Variants in ATP9B observed in about 807,000 individuals in gnomAD.
ATP9B encodes the protein ATPase phospholipid transporting 9B.
A neutral mutation model predicts 146.1 loss-of-function variants in ATP9B; 110 were observed. That is an observed-to-expected ratio of 0.75 (90% CI 0.65 to 0.88). The LOEUF (loss-of-function observed/expected upper bound fraction) is 0.88, where lower values mean the gene tolerates loss of function less well. ATP9B is among the 40% of genes least tolerant of loss of function. The pLI is 0.00. For synonymous variants in ATP9B, 604 were observed against 569.7 expected (o/e 1.06, Z -0.86); for missense variants, 1,499 against 1,496.4 (o/e 1.00, Z -0.03).
intron 25 of ATP9B, among the ~76,000 whole-genome samples, chr18:79,354,807 A>G (rs1045934963): frequency 1.4e-4 from 22 of 152,306 alleles, no homozygotes; most frequent in Middle Eastern, 3.4e-3. Flanking sequence ...GGAAACGCCC[A>G]TGGGTGCAGA....
intron 6 of ATP9B, among the ~76,000 whole-genome samples, chr18:79,148,332 G>GA (rs1222544208): frequency 6.6e-6 from 1 of 152,152 alleles, no homozygotes; most frequent in East Asian, 1.9e-4. Context: ...CTCAGTACCA[G>GA]AAAAAAGTAC....
At chr18:79,112,420 C>T (rs988875665) in intron 3 of ATP9B, among the ~76,000 whole-genome samples, 14 of 152,140 alleles carry the variant, frequency 9.2e-5, no homozygotes, top group African/African-American at 3.4e-4. Flanking sequence ...CTTGGGTTTT[C>T]TTCTCTAAAG....
chr18:79,087,100 G>A (rs1435327780), intron 1 of ATP9B, among the ~76,000 whole-genome samples: 1 of 152,232 alleles, frequency 6.6e-6, no homozygotes, highest in Non-Finnish European at 1.5e-5. Flanking sequence ...GGCCTTCTTG[G>A]TGTGTCCTCA....
chr18:79,188,546 A>G (rs539281549), intron 8 of ATP9B, among the ~76,000 whole-genome samples: 9 of 152,308 alleles, frequency 5.9e-5, no homozygotes, highest in Admixed American at 5.9e-4. Context: ...CTTACCTTAC[A>G]TGGAAAAAGC....
intron 4 of ATP9B, chr18:79,117,740 G>C (rs187817592): frequency 6.6e-6 from 1 of 152,186 alleles, no homozygotes; most frequent in Non-Finnish European, 1.5e-5. Context: ...ACAGAATTTT[G>C]AAAGTTGTTG....
At chr18:79,224,160 T>C (rs2095707186) in intron 11 of ATP9B, among the ~76,000 whole-genome samples, 1 of 152,252 alleles carries the variant, frequency 6.6e-6, no homozygotes, top group Admixed American at 6.5e-5. Flanking sequence ...CAGAGAAGTG[T>C]AATTTATTCA....
intron 11 of ATP9B, among the ~76,000 whole-genome samples, chr18:79,238,493 G>T (rs996358876): frequency 2.0e-5 from 3 of 152,168 alleles, no homozygotes; most frequent in African/African-American, 7.2e-5. Flanking sequence ...TGAGGACCAG[G>T]TTGCTTCTCC....
chr18:79,161,523 T>C (rs2094880104), intron 7 of ATP9B, among the ~76,000 whole-genome samples: 3 of 152,174 alleles, frequency 2.0e-5, no homozygotes, highest in Non-Finnish European at 4.4e-5. Context: ...CAAATTTAAA[T>C]TGTTAAAATA....
rs958561358 is a variant in ATP9B, at chr18:79,177,915, T to C, written c.873+1008T>C. On this transcript the variant is annotated intron_variant, in intron 8 of 29. Coordinates refer to ENST00000426216, the MANE Select transcript of ATP9B (RefSeq NM_198531.5). Reference sequence around the variant, plus strand: ...GTTCTATGATTGTTTACTTAAATTATCTAGGATACTATGCATAATTTATAT... The same window carrying C: ...GTTCTATGATTGTTTACTTAAATTACCTAGGATACTATGCATAATTTATAT... Among the ~76,000 whole-genome samples, 35 of 152,202 alleles carry C rather than the reference T, an allele frequency of 2.3e-4. 1 individual carries two copies. The highest frequency in any genetic ancestry group is 8.0e-4 in the African/African-American group (33 of 41,444).
rs114323752 is a variant in ATP9B, at chr18:79,312,950, A to G, written c.1773+5716A>G. Among the ~76,000 whole-genome samples the G allele has an allele frequency of 6.6e-3, 1,004 of 152,362 alleles. 6 individuals are homozygous for G. The highest frequency in any genetic ancestry group is 0.023 in the African/African-American group (940 of 41,576). The stretch of plus-strand genomic sequence containing the variant: ...AGATTTCAGAAAAGCTCCAGAATAC[A>G]ATGTCGTCATCGTATAGAGTTTTTC... On this transcript the variant is annotated intron_variant, in intron 15 of 29. Transcript: ENST00000426216.
At chr18:79,287,254 CTT>C (rs1375388678) in intron 13 of ATP9B, among the ~76,000 whole-genome samples, 1 of 152,086 alleles carries the variant, frequency 6.6e-6, no homozygotes, top group Admixed American at 6.5e-5. Flanking sequence ...GTCTTGGACT[CTT>C]TTTGGTTGGT....
intron 6 of ATP9B, among the ~76,000 whole-genome samples, chr18:79,147,376 A>T (rs1218577956): frequency 6.6e-6 from 1 of 152,242 alleles, no homozygotes; most frequent in Non-Finnish European, 1.5e-5. Context: ...CGTACCTGTC[A>T]GTAGGAGAGA....
intron 8 of ATP9B, among the ~76,000 whole-genome samples, chr18:79,189,845 A>G (rs2095346082): frequency 6.6e-6 from 1 of 152,200 alleles, no homozygotes; most frequent in African/African-American, 2.4e-5. Context: ...CAGCATCACT[A>G]GAAGCACTTC....
At chr18:79,082,026 C>T (rs561873900) in intron 1 of ATP9B, among the ~76,000 whole-genome samples, 107 of 152,254 alleles carry the variant, frequency 7.0e-4, no homozygotes, top group Admixed American at 1.4e-3. Flanking sequence ...CCATTCTCCC[C>T]GTCACATTCA....
chr18:79,157,395 T>TA (rs2094803640), intron 7 of ATP9B, among the ~76,000 whole-genome samples: 1 of 16,456 alleles, frequency 6.1e-5, no homozygotes, highest in African/African-American at 4.5e-4. Context: ...AAACTCCATC[T>TA]CAAAAAAAAA....
intron 12 of ATP9B, among the ~76,000 whole-genome samples, chr18:79,258,261 C>A (rs1451307446): frequency 6.6e-6 from 1 of 151,874 alleles, no homozygotes; most frequent in Non-Finnish European, 1.5e-5. Flanking sequence ...CCTGGTCTCT[C>A]CAAAAAACAA....
chr18:79,360,726 A>G (rs1271171219), intron 26 of ATP9B: 1 of 152,248 alleles, frequency 6.6e-6, no homozygotes, highest in East Asian at 1.9e-4. Context: ...GTTATAATCA[A>G]GACAAATAAA....
intron 9 of ATP9B, 122 bp from the exon 10 acceptor site, chr18:79,206,815 C>T (rs1249170748): frequency 2.4e-6 from 2 of 816,764 alleles, no homozygotes; most frequent in South Asian, 1.8e-5. Context: ...TTTTGCAGTG[C>T]CTTTGCACTG....
chr18:79,205,896 G>A (rs879170672), intron 9 of ATP9B, among the ~76,000 whole-genome samples: 12 of 151,750 alleles, frequency 7.9e-5, no homozygotes, highest in African/African-American at 1.2e-4. Context: ...ATCATATAAC[G>A]TACTTGAATT....
Sources: allele counts gnomAD v4.1 joint callset (sites outside exome capture counted in the v4.1 genomes callset), GRCh38; gene constraint gnomAD v4.1.1; transcripts MANE v1.5; gene names NCBI Gene and HGNC (gene_info 2026-07-23, HGNC 2026-07-21).